The following PTPRG variants were observed in gnomAD, a reference collection of about 807,000 sequenced individuals.
The protein encoded by PTPRG is receptor-type tyrosine-protein phosphatase gamma.
PTPRG carries 102 observed loss-of-function variants against 165.3 expected under a neutral mutation model. The observed-to-expected ratio is 0.62, with a 90% CI of 0.53 to 0.73. PTPRG has a LOEUF of 0.73. Among genes scored for constraint, PTPRG ranks in the 30% least tolerant of loss-of-function variants. The pLI, the probability that PTPRG is intolerant of heterozygous loss-of-function variation, is 0.00. For missense variants in PTPRG, 1,866 were observed against 1,861.4 expected (o/e 1.00, Z -0.05); for synonymous variants, 675 against 669.5 (o/e 1.01, Z -0.13).
intron 1 of PTPRG, among the ~76,000 whole-genome samples, chr3:61,672,123 G>C (rs1276795525): frequency 1.3e-5 from 2 of 150,102 alleles, no homozygotes; most frequent in African/African-American, 4.9e-5. Flanking sequence ...CAGACGATGG[G>C]CGGCCGGGCA....
chr3:62,196,992 G>C (rs1355132384), intron 10 of PTPRG, among the ~76,000 whole-genome samples: 4 of 152,190 alleles, frequency 2.6e-5, no homozygotes, highest in Non-Finnish European at 5.9e-5. Flanking sequence ...CTTACCTGGG[G>C]CAGGGGGCGT....
intron 2 of PTPRG, among the ~76,000 whole-genome samples, chr3:61,796,260 G>C (rs73841148): frequency 0.011 from 1,707 of 152,302 alleles, 29 homozygotes; most frequent in African/African-American, 0.037. Flanking sequence ...CAGATAACTC[G>C]TTAGGTTTCC....
chr3:62,002,571 T>C (rs1453875467), intron 3 of PTPRG, among the ~76,000 whole-genome samples: 1 of 152,224 alleles, frequency 6.6e-6, no homozygotes, highest in Non-Finnish European at 1.5e-5. Context: ...AATTTCTCCT[T>C]CCTGTATTTC....
chr3:62,095,884 A>G (rs2106811051), intron 5 of PTPRG, among the ~76,000 whole-genome samples: 1 of 152,270 alleles, frequency 6.6e-6, no homozygotes, highest in South Asian at 2.1e-4. Context: ...CCCAAGCAGG[A>G]GAACTGAGTG....
At chr3:62,208,351 C>G (rs1273787944) in intron 12 of PTPRG, among the ~76,000 whole-genome samples, 3 of 152,226 alleles carry the variant, frequency 2.0e-5, no homozygotes, top group South Asian at 2.1e-4. Flanking sequence ...ACAGCATACC[C>G]TACAAAAACA....
At chr3:61,562,829 G>A (rs1264330740) in intron 1 of PTPRG, among the ~76,000 whole-genome samples, 1 of 152,162 alleles carries the variant, frequency 6.6e-6, no homozygotes, top group Non-Finnish European at 1.5e-5. Context: ...GTGGGGGTTT[G>A]CTTTGCTGTT....
chr3:62,139,401 G>A (rs111248613), intron 6 of PTPRG, among the ~76,000 whole-genome samples: 138 of 152,232 alleles, frequency 9.1e-4, no homozygotes, highest in Non-Finnish European at 1.5e-3. Flanking sequence ...GAAGTTTCCA[G>A]GGAACTGAGA....
At chr3:61,867,347 C>T (rs1275867389) in intron 2 of PTPRG, among the ~76,000 whole-genome samples, 1 of 152,058 alleles carries the variant, frequency 6.6e-6, no homozygotes, top group East Asian at 1.9e-4. Context: ...AGCAAAAAGC[C>T]AAGGGAAGGA....
At chr3:62,162,328 A>G (rs1199388903) in intron 7 of PTPRG, among the ~76,000 whole-genome samples, 1 of 151,228 alleles carries the variant, frequency 6.6e-6, no homozygotes, top group East Asian at 1.9e-4. Context: ...TGCAATTACA[A>G]ATCCCCAAGC....
intron 2 of PTPRG, among the ~76,000 whole-genome samples, chr3:61,866,231 T>G (rs2037404415): frequency 6.6e-6 from 1 of 152,222 alleles, no homozygotes; most frequent in South Asian, 2.1e-4. Context: ...AATTTTATTA[T>G]ATTACGCTGC....
At chr3:62,207,933 C>T (rs1700269302) in intron 12 of PTPRG, among the ~76,000 whole-genome samples, 1 of 152,196 alleles carries the variant, frequency 6.6e-6, no homozygotes, top group Non-Finnish European at 1.5e-5. Context: ...CACTCAGCTC[C>T]AACAGATTAC....
intron 2 of PTPRG, among the ~76,000 whole-genome samples, chr3:61,803,729 T>G (rs531448096): frequency 7.5e-4 from 114 of 152,340 alleles, no homozygotes; most frequent in African/African-American, 2.7e-3. Flanking sequence ...CACACCACCA[T>G]ATACTAGCTT....
chr3:61,747,835 C>A (rs1206011607), intron 1 of PTPRG, among the ~76,000 whole-genome samples: 1 of 151,768 alleles, frequency 6.6e-6, no homozygotes, highest in East Asian at 1.9e-4. Flanking sequence ...TGTTTAGGTG[C>A]ATTTAAATGT....
intron 2 of PTPRG, among the ~76,000 whole-genome samples, chr3:61,778,766 A>G (rs1205746654): frequency 2.6e-5 from 4 of 152,294 alleles, no homozygotes; most frequent in African/African-American, 7.2e-5. Flanking sequence ...ATTTTAGGCA[A>G]TGGTGAGGGG....
chr3:61,575,067 G>T (rs991913976), intron 1 of PTPRG, among the ~76,000 whole-genome samples: 3 of 152,168 alleles, frequency 2.0e-5, no homozygotes, highest in Non-Finnish European at 2.9e-5. Flanking sequence ...AGGACAGACC[G>T]AAACCATAGC....
At chr3:61,770,620 T>C (rs1222420026) in intron 2 of PTPRG, 1 of 152,206 alleles carries the variant, frequency 6.6e-6, no homozygotes, top group Non-Finnish European at 1.5e-5. Context: ...TTGGATTATG[T>C]CTAGTTTCTG....
At chr3:61,850,455 C>T (rs1297448198) in intron 2 of PTPRG, among the ~76,000 whole-genome samples, 4 of 152,126 alleles carry the variant, frequency 2.6e-5, no homozygotes, top group African/African-American at 9.7e-5. Flanking sequence ...GCCGCTGTGC[C>T]CAATCCTTGT....
chr3:61,704,047 C>A (rs1349214004), intron 1 of PTPRG, among the ~76,000 whole-genome samples: 1 of 152,100 alleles, frequency 6.6e-6, no homozygotes, highest in Non-Finnish European at 1.5e-5. Flanking sequence ...CCAGCTCTAC[C>A]CCCATAGGAT....
At chr3:62,155,966 A>T (rs1325955595) in intron 6 of PTPRG, among the ~76,000 whole-genome samples, 3 of 152,230 alleles carry the variant, frequency 2.0e-5, no homozygotes, top group Admixed American at 2.0e-4. Flanking sequence ...TGCATCTCCA[A>T]CAGGGAAGGG....
Sources: allele counts gnomAD v4.1 joint callset (sites outside exome capture counted in the v4.1 genomes callset), GRCh38; gene constraint gnomAD v4.1.1; transcripts MANE v1.5; gene names NCBI Gene and HGNC (gene_info 2026-07-23, HGNC 2026-07-21).